The following KCNQ5 variants were observed in gnomAD, a reference collection of about 807,000 sequenced individuals.
KCNQ5 encodes potassium voltage-gated channel subfamily Q member 5.
Under a neutral mutation model 98.2 loss-of-function variants are expected in KCNQ5, and 30 were observed. That is an observed-to-expected ratio of 0.31 (90% CI 0.23 to 0.41). KCNQ5 has a LOEUF of 0.41. KCNQ5 is among the 10% of genes least tolerant of loss of function. The pLI is 1.00. For missense variants in KCNQ5, 835 were observed against 1,182.5 expected, an observed-to-expected ratio of 0.71 and a Z score of 4.31; for synonymous variants, 458 against 449.4, an observed-to-expected ratio of 1.02 and a Z score of -0.24.
At chr6:73,149,832 G>GAGGAAGGA (rs571571935) in intron 10 of KCNQ5, among the ~76,000 whole-genome samples, 87 of 141,172 alleles carry the variant, frequency 6.2e-4, no homozygotes, top group African/African-American at 2.2e-3. Context: ...GAGAGGGAGG[G>GAGGAAGGA]AGGAAGGAAG....
At chr6:73,121,950 T>A (rs1775768419) in intron 8 of KCNQ5, among the ~76,000 whole-genome samples, 1 of 152,180 alleles carries the variant, frequency 6.6e-6, no homozygotes, top group African/African-American at 2.4e-5. Flanking sequence ...TTCATAGCAC[T>A]CCAGGGATTT....
chr6:73,018,211 C>A (rs9446821), intron 2 of KCNQ5, among the ~76,000 whole-genome samples: 8,219 of 152,132 alleles, frequency 0.054, 771 homozygotes, highest in African/African-American at 0.19. Context: ...CTCTGCCTGT[C>A]AGTTAGCCCA....
intron 1 of KCNQ5, among the ~76,000 whole-genome samples, chr6:72,753,741 T>G (rs1351942472): frequency 1.3e-5 from 2 of 152,150 alleles, no homozygotes; most frequent in Non-Finnish European, 2.9e-5. Flanking sequence ...ATGCACCTTT[T>G]AAAATATTTT....
chr6:73,033,778 C>T (rs751717464), intron 2 of KCNQ5, among the ~76,000 whole-genome samples: 14 of 151,336 alleles, frequency 9.3e-5, no homozygotes, highest in Admixed American at 2.0e-4. Context: ...AGTTCTGTCA[C>T]GCTCTCACAA....
intron 10 of KCNQ5, among the ~76,000 whole-genome samples, chr6:73,166,001 C>G (rs1478554802): frequency 6.6e-6 from 1 of 151,964 alleles, no homozygotes; most frequent in Non-Finnish European, 1.5e-5. Context: ...AGAGGTGAGG[C>G]TCAGGGTCAG....
chr6:72,846,015 A>C (rs923189157), intron 1 of KCNQ5, among the ~76,000 whole-genome samples: 1 of 152,190 alleles, frequency 6.6e-6, no homozygotes, highest in African/African-American at 2.4e-5. Flanking sequence ...TCAGGGTGAC[A>C]CAATACAAAG....
intron 6 of KCNQ5, among the ~76,000 whole-genome samples, chr6:73,106,453 AT>A (rs1775004833): frequency 6.6e-6 from 1 of 152,178 alleles, no homozygotes; most frequent in Non-Finnish European, 1.5e-5. Flanking sequence ...ATAGAAAGGT[AT>A]TGTCTCACAG....
In KCNQ5 at chr6:72,896,603, C is replaced by T. The variant is rs532281315; in HGVS notation, c.399-107305C>T. ...TACACAGTAAGAAGCACTAAAAACT[C>T]GTCCATAACTGTACTGCTTTTTGCT... On this transcript the variant is annotated intron_variant, in intron 1 of 13. Transcript: ENST00000370398. Among the ~76,000 whole-genome samples, 7 of 152,210 alleles carry T rather than the reference C, an allele frequency of 4.6e-5. No homozygotes were observed. In the East Asian group the frequency reaches 1.2e-3, roughly 25 times the overall value.
intron 1 of KCNQ5, among the ~76,000 whole-genome samples, chr6:72,689,679 A>T (rs1426495982): frequency 1.3e-5 from 2 of 152,210 alleles, no homozygotes; most frequent in Non-Finnish European, 2.9e-5. Context: ...AATTATTGAT[A>T]CTGTGGTAAA....
At chr6:73,101,782 A>G (rs1774787302) in intron 5 of KCNQ5, among the ~76,000 whole-genome samples, 1 of 152,188 alleles carries the variant, frequency 6.6e-6, no homozygotes, top group Admixed American at 6.5e-5. Context: ...TTTCATGTTC[A>G]TGGATTAGAA....
At chr6:73,166,857 A>G (rs1321799260) in intron 10 of KCNQ5, among the ~76,000 whole-genome samples, 4 of 152,102 alleles carry the variant, frequency 2.6e-5, no homozygotes, top group Non-Finnish European at 5.9e-5. Flanking sequence ...CTGTGTCCCT[A>G]TGTCTTTGCC....
intron 11 of KCNQ5, among the ~76,000 whole-genome samples, chr6:73,185,141 G>A (rs1024148918): frequency 6.6e-6 from 1 of 152,146 alleles, no homozygotes; most frequent in African/African-American, 2.4e-5. Context: ...ACAGAGAAGT[G>A]ATTAACTGTT....
chr6:73,017,645 G>C (rs572047589), intron 2 of KCNQ5, among the ~76,000 whole-genome samples: 8 of 152,170 alleles, frequency 5.3e-5, no homozygotes, highest in Non-Finnish European at 1.0e-4. Flanking sequence ...AAACGCTGCA[G>C]ACCTGGCTCC....
chr6:73,112,873 T>G (rs1187917519), intron 7 of KCNQ5, among the ~76,000 whole-genome samples: 1 of 152,208 alleles, frequency 6.6e-6, no homozygotes, highest in East Asian at 1.9e-4. Flanking sequence ...ATCAAGCTAT[T>G]CTGCAACTGT....
chr6:72,749,103 C>T (rs1227733040), intron 1 of KCNQ5, among the ~76,000 whole-genome samples: 1 of 152,094 alleles, frequency 6.6e-6, no homozygotes. Context: ...TTTCTTCCTC[C>T]TCATACTTCT....
intron 1 of KCNQ5, among the ~76,000 whole-genome samples, chr6:72,680,170 C>T (rs1767633396): frequency 6.6e-6 from 1 of 152,180 alleles, no homozygotes; most frequent in African/African-American, 2.4e-5. Flanking sequence ...CCTCCTTGTC[C>T]ATAAGCAGTA....
At chr6:72,813,386 C>A (rs557302085) in intron 1 of KCNQ5, among the ~76,000 whole-genome samples, 1 of 152,218 alleles carries the variant, frequency 6.6e-6, no homozygotes, top group South Asian at 2.1e-4. Flanking sequence ...GAAGCCTACT[C>A]AGGTATAGTT....
At chr6:72,913,770 A>G (rs577083071) in intron 1 of KCNQ5, among the ~76,000 whole-genome samples, 1 of 152,372 alleles carries the variant, frequency 6.6e-6, no homozygotes, top group South Asian at 2.1e-4. Flanking sequence ...GAAAGCTTAC[A>G]GATTCGTTTA....
chr6:72,915,240 G>A (rs1780086875), intron 1 of KCNQ5, among the ~76,000 whole-genome samples: 2 of 152,006 alleles, frequency 1.3e-5, no homozygotes, highest in South Asian at 4.2e-4. Context: ...GCCAGAGTTG[G>A]CAACAAGATA....
Sources: gnomAD v4.1 joint callset for allele counts (sites outside exome capture counted in the v4.1 genomes callset) on GRCh38, gnomAD v4.1.1 for gene constraint, MANE v1.5 for transcripts, NCBI Gene and HGNC (gene_info 2026-07-23, HGNC 2026-07-21) for gene names.